Variants in PARN observed in about 807,000 individuals in gnomAD.
PARN encodes poly(A)-specific ribonuclease, also known as poly(A)-specific ribonuclease PARN.
Under a neutral mutation model 102.8 loss-of-function variants are expected in PARN, and 71 were observed. That is an observed-to-expected ratio of 0.69 (90% CI 0.57 to 0.84). PARN has a LOEUF of 0.84. PARN is among the 40% of genes least tolerant of loss of function. PARN has a pLI of 0.00. For missense variants in PARN, 782 were observed against 760.9 expected, an observed-to-expected ratio of 1.03 and a Z score of -0.33; for synonymous variants, 261 against 252.9, an observed-to-expected ratio of 1.03 and a Z score of -0.30.
Position 14,593,817 on chromosome 16 carries a change from C to G in PARN, c.841-439G>C, listed in dbSNP as rs557128476. Among the ~76,000 whole-genome samples, 7 of 151,904 alleles carry G rather than the reference C, an allele frequency of 4.6e-5. No individual in the cohort carries two copies. The East Asian group carries it at 1.4e-3, about 29-fold the overall frequency. Reference sequence around the variant, plus strand: ...TTCGAGACCAGCCTGGCCAACATGGCGAAATCCCATCTCTACTAAAAATAG... The same window carrying G: ...TTCGAGACCAGCCTGGCCAACATGGGGAAATCCCATCTCTACTAAAAATAG... On this transcript the variant is annotated intron_variant, in intron 12 of 23. Transcript: ENST00000437198.
chr16:14,496,293 A>G (rs985480298), intron 21 of PARN, among the ~76,000 whole-genome samples: 2 of 152,184 alleles, frequency 1.3e-5, no homozygotes, highest in Non-Finnish European at 2.9e-5. Flanking sequence ...CCCAACACAA[A>G]AAAGGGCTTT....
chr16:14,588,888 C>G (rs1970010914), intron 13 of PARN, among the ~76,000 whole-genome samples: 1 of 149,648 alleles, frequency 6.7e-6, no homozygotes, highest in African/African-American at 2.5e-5. Context: ...CTCAAAAAAA[C>G]AAATGAACAG....
intron 21 of PARN, among the ~76,000 whole-genome samples, chr16:14,536,461 G>A (rs748511764): frequency 1.4e-4 from 22 of 152,228 alleles, no homozygotes; most frequent in Non-Finnish European, 2.6e-4. Context: ...ACTGCTTTGC[G>A]TTTCCTATTA....
chr16:14,476,744 A>G (rs1388330294), intron 22 of PARN, among the ~76,000 whole-genome samples: 1 of 152,224 alleles, frequency 6.6e-6, no homozygotes, highest in Non-Finnish European at 1.5e-5. Context: ...CTTCATAAAA[A>G]CATGTGAGCC....
Position 14,436,393 on chromosome 16 carries a change from C to A in PARN, c.*324G>T. ...TTGCAGATTTCACAGCCGACACTCC[C>A]CATCAGGCAGGTTCTTAAGCACACT... On this transcript the variant is annotated 3_prime_UTR_variant, in exon 24 of 24. Coordinates refer to ENST00000437198, the MANE Select transcript of PARN (RefSeq NM_002582.4). 1 of 359,730 alleles carries A rather than the reference C, an allele frequency of 2.8e-6. No homozygotes were observed. The highest frequency in any genetic ancestry group is 5.0e-5 in the East Asian group (1 of 20,100). 22.3% of individuals were successfully genotyped at this position (359,730 alleles called of 1,614,324 possible). A position where few individuals can be genotyped will look rare whatever the true frequency, so the allele number is the denominator to read the frequency against.
chr16:14,584,461 T>C (rs757744436), intron 15 of PARN, 39 bp from the exon 16 acceptor site: 2 of 1,514,294 alleles, frequency 1.3e-6, no homozygotes, highest in South Asian at 1.1e-5. Flanking sequence ...GATTTCATCA[T>C]CTCAGAACAA....
chr16:14,541,652 T>C (rs565578003), intron 21 of PARN, among the ~76,000 whole-genome samples: 1 of 152,048 alleles, frequency 6.6e-6, no homozygotes, highest in African/African-American at 2.4e-5. Flanking sequence ...ATTTTTCTAT[T>C]TTTTAGTAGA....
chr16:14,436,578 T>TC lies in PARN; in HGVS notation c.*138dup, dbSNP rs973934298. The TC allele has an allele frequency of 4.1e-5, 26 of 634,296 alleles. No homozygotes were observed. Among genetic ancestry groups the TC allele is most frequent in the Admixed American group, 1.5e-4 (5 of 34,436 alleles). 39.3% of individuals were successfully genotyped at this position (634,296 alleles called of 1,614,324 possible). Reference sequence around the variant, plus strand: ...AGCCACAAAAATAAAACCTGTTTTCTCCCCCCCAGGAGACAACTTGGTTTC... The same window carrying TC: ...AGCCACAAAAATAAAACCTGTTTTCTCCCCCCCCAGGAGACAACTTGGTTTC... On this transcript the variant is annotated 3_prime_UTR_variant, in exon 24 of 24. Transcript: ENST00000437198.
At chr16:14,582,379 G>C (rs1351608741) in intron 16 of PARN, 88 bp from the exon 17 acceptor site, 3 of 832,866 alleles carry the variant, frequency 3.6e-6, no homozygotes, top group East Asian at 2.4e-5. Context: ...GCATATGCTA[G>C]AGAAATACCC....
At chr16:14,553,256 TAAAAAAAAA>T (rs58411352) in intron 20 of PARN, among the ~76,000 whole-genome samples, 1 of 117,472 alleles carries the variant, frequency 8.5e-6, no homozygotes, top group Non-Finnish European at 1.7e-5. Flanking sequence ...TATTTCTATT[TAAAAAAAAA>T]AAAAAAAAAA....
intron 21 of PARN, among the ~76,000 whole-genome samples, chr16:14,522,079 C>T (rs1465102356): frequency 6.6e-6 from 1 of 152,156 alleles, no homozygotes; most frequent in Non-Finnish European, 1.5e-5. Flanking sequence ...AACGAAAATG[C>T]CTAACAACAC....
chr16:14,552,903 G>A (rs914971095), intron 20 of PARN, among the ~76,000 whole-genome samples: 1 of 151,954 alleles, frequency 6.6e-6, no homozygotes, highest in Non-Finnish European at 1.5e-5. Flanking sequence ...AGCCGAGATC[G>A]CGCCATTGCA....
intron 21 of PARN, among the ~76,000 whole-genome samples, chr16:14,550,222 T>C (rs565871077): frequency 1.1e-4 from 16 of 150,026 alleles, no homozygotes; most frequent in Middle Eastern, 3.4e-3. Context: ...CTCTAAACCA[T>C]CTTTCTAAGG....
chr16:14,521,193 A>C (rs1965714579), intron 21 of PARN, among the ~76,000 whole-genome samples: 1 of 152,236 alleles, frequency 6.6e-6, no homozygotes, highest in Admixed American at 6.5e-5. Context: ...CTTTTTCATA[A>C]GAAAAACAAA....
At chr16:14,461,225 A>T (rs1391507381) in intron 22 of PARN, among the ~76,000 whole-genome samples, 1 of 152,214 alleles carries the variant, frequency 6.6e-6, no homozygotes, top group Non-Finnish European at 1.5e-5. Context: ...GCCTATGGAG[A>T]TATGATGGCC....
intron 21 of PARN, among the ~76,000 whole-genome samples, chr16:14,536,979 A>C (rs1245363342): frequency 1.3e-5 from 2 of 152,220 alleles, no homozygotes; most frequent in Non-Finnish European, 2.9e-5. Flanking sequence ...CTGCACAGCA[A>C]AAGAAACAAT....
At chr16:14,589,427 T>C (rs1970038240) in intron 13 of PARN, among the ~76,000 whole-genome samples, 1 of 151,922 alleles carries the variant, frequency 6.6e-6, no homozygotes, top group Non-Finnish European at 1.5e-5. Context: ...TAGTGAGGCA[T>C]GGTGGCATGT....
At chr16:14,452,973 T>C (rs1199527078) in intron 22 of PARN, among the ~76,000 whole-genome samples, 1 of 152,226 alleles carries the variant, frequency 6.6e-6, no homozygotes, top group South Asian at 2.1e-4. Flanking sequence ...TGTGTGTGTA[T>C]GTGCATGCGT....
rs536707586 is a variant in PARN, at chr16:14,552,731, C to T, written c.1406-636G>A. On this transcript the variant is annotated intron_variant, in intron 20 of 23. Transcript: ENST00000437198. ...TGGGAGGCCGAGGTGGGAGGATCAC[C>T]TGAGGTCAGGAGTTTGAGACCAGCC... Among the ~76,000 whole-genome samples the T allele has an allele frequency of 2.6e-5, 4 of 151,860 alleles. No homozygotes were observed. In the South Asian group the frequency reaches 6.2e-4, roughly 24 times the overall value.
Sources: allele counts gnomAD v4.1 joint callset (sites outside exome capture counted in the v4.1 genomes callset), GRCh38; gene constraint gnomAD v4.1.1; transcripts MANE v1.5; gene names NCBI Gene and HGNC (gene_info 2026-07-23, HGNC 2026-07-21).